The following GAPVD1 variants were observed in gnomAD, a reference collection of about 807,000 sequenced individuals.
GAPVD1 encodes GTPase-activating protein and VPS9 domain-containing protein 1.
Under a neutral mutation model 155.5 loss-of-function variants are expected in GAPVD1, and 35 were observed. The ratio of observed to expected loss-of-function variants is 0.23; its 90% CI spans 0.17 to 0.30. GAPVD1 has a LOEUF of 0.30. GAPVD1 is among the 10% of genes least tolerant of loss of function. The pLI, the probability that GAPVD1 is intolerant of heterozygous loss-of-function variation, is 1.00. For missense variants in GAPVD1, 1,429 were observed against 1,775.7 expected, an observed-to-expected ratio of 0.80 and a Z score of 3.51; for synonymous variants, 636 against 619.7, an observed-to-expected ratio of 1.03 and a Z score of -0.39.
intron 2 of GAPVD1, among the ~76,000 whole-genome samples, chr9:125,292,965 T>G (rs2132540998): frequency 6.6e-6 from 1 of 152,322 alleles, no homozygotes; most frequent in South Asian, 2.1e-4. Context: ...ACTGTTGCTT[T>G]GGAAATACCA....
At chr9:125,280,396 C>CAAAAAAAAAAA (rs750354567) in intron 2 of GAPVD1, among the ~76,000 whole-genome samples, 1 of 57,338 alleles carries the variant, frequency 1.7e-5, no homozygotes, top group African/African-American at 6.8e-5. Flanking sequence ...AAGTCCATCT[C>CAAAAAAAAAAA]AAAAAAAAAA....
At position 125,347,720 on chromosome 9, in the gene GAPVD1, C is replaced by CA. The variant is rs11301990; in HGVS notation, c.3169+792dup. ...TGGGCAAAAGAGCAAGACCCTGTCT[C>CA]AAAAAAAAAAAAACAAACATAAATA... On this transcript the variant is annotated intron_variant, in intron 20 of 27. Coordinates refer to ENST00000297933, the MANE Select transcript of GAPVD1 (RefSeq NM_001282680.3). Among the ~76,000 whole-genome samples, 332 of 141,882 alleles carry CA rather than the reference C, an allele frequency of 2.3e-3. 2 individuals are homozygous for CA. Among genetic ancestry groups the CA allele is most frequent in the African/African-American group, 6.3e-3 (244 of 38,904 alleles). The allele number at this position is 141,882 out of a possible 152,430, so 93.1% of individuals were successfully genotyped here.
chr9:125,342,257 G>A lies in GAPVD1; in HGVS notation c.3004G>A (p.Asp1002Asn). 5 of 1,601,462 alleles carry A rather than the reference G, an allele frequency of 3.1e-6. No individual in the cohort carries two copies. Residue 1002 changes from aspartate (D) to asparagine (N), a missense_variant, in exon 19 of 28, where the codon GAC becomes AAC. This residue lies in a region of GAPVD1 where 699 missense variants were observed against 826.0 expected (regional missense o/e 0.85). Coordinates refer to ENST00000297933, the MANE Select transcript of GAPVD1 (RefSeq NM_001282680.3). Reference sequence around the variant, plus strand: ...TAGAAAGAAAGAAAAACAAGAAAAAGACAAAGATGATCTGGGGCCTGACAG... The same window carrying A: ...TAGAAAGAAAGAAAAACAAGAAAAAAACAAAGATGATCTGGGGCCTGACAG... ...PFRKKEKQEK[D>N]KDDLGPDRFS...
At chr9:125,357,174 A>G (rs1285251243) in intron 25 of GAPVD1, among the ~76,000 whole-genome samples, 1 of 152,170 alleles carries the variant, frequency 6.6e-6, no homozygotes, top group Non-Finnish European at 1.5e-5. Context: ...TGTTCTCTCC[A>G]CACTGCCTTA....
rs879613027 is a variant in GAPVD1 at position 125,326,348 on chromosome 9, C to A, written c.1859-68C>A. The A allele has an allele frequency of 2.1e-5, 24 of 1,130,908 alleles. No homozygotes were observed. In the South Asian group the frequency reaches 3.0e-4, roughly 14 times the overall value. The allele number at this position is 1,130,908 out of a possible 1,614,324, so 70.1% of individuals were successfully genotyped here. ...GCCTGACCAACATGGAGATAAAATT[C>A]TTTAAAGTTGATTAAAAAGTCATAG... On this transcript the variant is annotated intron_variant, in intron 11 of 27. Transcript: ENST00000297933.
chr9:125,362,916 C>T lies in GAPVD1; in HGVS notation c.*170C>T, dbSNP rs1851141404. On this transcript the variant is annotated 3_prime_UTR_variant, in exon 28 of 28. Coordinates refer to ENST00000297933, the MANE Select transcript of GAPVD1 (RefSeq NM_001282680.3). ...AGGTTAATGAGCTAACAAGCAGGTTCTCTCGTCTTTGGGCTCTTTCCTTTC... is the reference window on the plus strand; with the variant it reads ...AGGTTAATGAGCTAACAAGCAGGTTTTCTCGTCTTTGGGCTCTTTCCTTTC... 8.8e-6 allele frequency: 4 copies of T among 453,372 alleles called. No homozygotes were observed. The East Asian group carries it at 1.5e-4, about 17-fold the overall frequency. 28.1% of individuals were successfully genotyped at this position (453,372 alleles called of 1,614,324 possible). A position where few individuals can be genotyped will look rare whatever the true frequency, so the allele number is the denominator to read the frequency against.
intron 2 of GAPVD1, among the ~76,000 whole-genome samples, chr9:125,277,359 G>A (rs1178742712): frequency 6.6e-6 from 1 of 152,142 alleles, no homozygotes; most frequent in East Asian, 1.9e-4. Flanking sequence ...AAATATCTGA[G>A]TCAAGGGACT....
chr9:125,327,554 G>A (rs1429358339), intron 12 of GAPVD1, among the ~76,000 whole-genome samples: 1 of 151,912 alleles, frequency 6.6e-6, no homozygotes, highest in African/African-American at 2.4e-5. Flanking sequence ...CCAGGCTGGA[G>A]TTGCAGTGGT....
chr9:125,341,871 G>A, intron 18 of GAPVD1: 1 of 168,696 alleles, frequency 5.9e-6, no homozygotes, highest in Non-Finnish European at 1.3e-5. Flanking sequence ...GGAACTCTGG[G>A]GAGAGCTGCT....
intron 2 of GAPVD1, among the ~76,000 whole-genome samples, chr9:125,283,180 C>G (rs1837083065): frequency 6.6e-6 from 1 of 151,666 alleles, no homozygotes; most frequent in African/African-American, 2.4e-5. Context: ...CTGCCTCAGC[C>G]TTCTGAGTAG....
At chr9:125,339,813 TTCCA>T (rs755365022) in intron 17 of GAPVD1, among the ~76,000 whole-genome samples, 4 of 152,248 alleles carry the variant, frequency 2.6e-5, no homozygotes, top group Non-Finnish European at 2.9e-5. Flanking sequence ...GGCATATTTA[TTCCA>T]TCAGTTCTCC....
chr9:125,281,139 G>A (rs1836722380), intron 2 of GAPVD1, among the ~76,000 whole-genome samples: 1 of 152,152 alleles, frequency 6.6e-6, no homozygotes, highest in Admixed American at 6.5e-5. Context: ...AATGGGTTCT[G>A]GAATGTCATA....
At position 125,337,283 on chromosome 9, in the gene GAPVD1, C is replaced by T; in HGVS notation, c.2569C>T (p.Pro857Ser). The change falls in exon 17 of 28, where the codon CCC (proline) becomes TCC (serine). Residue 857 changes from proline (P) to serine (S), a missense_variant. Pro to Ser is a moderately conservative substitution (Grantham distance 74). Around this residue, in one of 4 missense-constraint regions of GAPVD1, gnomAD observed 699 missense variants for 826.0 expected, o/e 0.85. Coordinates refer to ENST00000297933, the MANE Select transcript of GAPVD1 (RefSeq NM_001282680.3). The stretch of plus-strand genomic sequence containing the variant: ...TAGGCCATCGCATCCACCACCAGAT[C>T]CCCCAATCCTGGAAGGAGCTGTGGG... ...YARPSHPPPD[P>S]PILEGAVGGN... The T allele has an allele frequency of 6.2e-7, 1 of 1,614,110 alleles. No homozygotes were observed. The highest frequency in any genetic ancestry group is 8.5e-7 in the Non-Finnish European group (1 of 1,179,944).
chr9:125,359,312 C>T (rs1850586478), intron 25 of GAPVD1, 108 bp from the exon 26 acceptor site: 8 of 734,658 alleles, frequency 1.1e-5, no homozygotes, highest in South Asian at 3.0e-5. Context: ...AGCTGTAATC[C>T]ATATCTAGTC....
chr9:125,280,451 T>C (rs573463759), intron 2 of GAPVD1, among the ~76,000 whole-genome samples: 2 of 148,436 alleles, frequency 1.3e-5, no homozygotes, highest in Non-Finnish European at 3.0e-5. Flanking sequence ...GAAAAGCCCG[T>C]AGTTGGTGTC....
At chr9:125,272,757 A>AATG (rs1173596128) in intron 2 of GAPVD1, among the ~76,000 whole-genome samples, 51 of 152,300 alleles carry the variant, frequency 3.3e-4, no homozygotes, top group Admixed American at 3.3e-3. Context: ...GGAGTTTGAT[A>AATG]ATGAATATGT....
At chr9:125,271,104 T>TTG (rs143471411) in intron 2 of GAPVD1, among the ~76,000 whole-genome samples, 68 of 151,926 alleles carry the variant, frequency 4.5e-4, no homozygotes, top group Admixed American at 1.4e-3. Context: ...CTAATACTCT[T>TTG]TGTGTGTGTG....
intron 25 of GAPVD1, among the ~76,000 whole-genome samples, chr9:125,358,061 G>T (rs924756210): frequency 6.6e-6 from 1 of 151,434 alleles, no homozygotes; most frequent in South Asian, 2.1e-4. Context: ...GATTATTTTT[G>T]GGTAAAGAGA....
intron 5 of GAPVD1, 81 bp from the exon 6 acceptor site, chr9:125,304,982 A>G: frequency 1.1e-6 from 1 of 889,018 alleles, no homozygotes; most frequent in Non-Finnish European, 1.9e-6. Context: ...AGAACAGAAT[A>G]GACGTGCTTG....
Sources: allele counts gnomAD v4.1 joint callset (sites outside exome capture counted in the v4.1 genomes callset), GRCh38; gene constraint gnomAD v4.1.1; regional missense constraint gnomAD v4.1.1; transcripts MANE v1.5; gene names NCBI Gene and HGNC (gene_info 2026-07-23, HGNC 2026-07-21).